Variants in ZKSCAN1 observed in about 807,000 individuals in gnomAD.
ZKSCAN1 encodes zinc finger with KRAB and SCAN domains 1.
Under a neutral mutation model 51.6 loss-of-function variants are expected in ZKSCAN1, and 14 were observed. The ratio of observed to expected loss-of-function variants is 0.27; its 90% CI spans 0.18 to 0.42. The LOEUF (loss-of-function observed/expected upper bound fraction) is 0.42. ZKSCAN1 is among the 10% of genes least tolerant of loss of function. ZKSCAN1 has a pLI of 1.00. For missense variants in ZKSCAN1, 531 were observed against 710.0 expected (o/e 0.75, Z 2.86); for synonymous variants, 263 against 261.5 (o/e 1.01, Z -0.06).
At position 100,038,365 on chromosome 7, in the gene ZKSCAN1, G is replaced by A. The variant is rs1254469290; in HGVS notation, c.*4168G>A. On this transcript the variant is annotated 3_prime_UTR_variant, in exon 6 of 6. Transcript: ENST00000324306. The stretch of plus-strand genomic sequence containing the variant: ...AGTCGGTTCACAGAACGGAGCAGCG[G>A]GGAGAGGAAGGGAAAAGCTTCATAG... 1 of 985,474 alleles carries A rather than the reference G, an allele frequency of 1.0e-6. No individual in the cohort carries two copies. The highest frequency in any genetic ancestry group is 1.2e-6 in the Non-Finnish European group (1 of 829,938). 61.0% of individuals were successfully genotyped at this position (985,474 alleles called of 1,614,324 possible). A position where few individuals can be genotyped will look rare whatever the true frequency, so the allele number is the denominator to read the frequency against.
intron 1 of ZKSCAN1, among the ~76,000 whole-genome samples, chr7:100,021,367 T>C (rs975793979): frequency 1.3e-5 from 2 of 151,958 alleles, no homozygotes; most frequent in African/African-American, 4.8e-5. Flanking sequence ...GGTGGCCCCC[T>C]GCTCCCTGCC....
In ZKSCAN1 at chr7:100,039,698, G is replaced by T; in HGVS notation, c.*5501G>T. 2.0e-6 allele frequency: 2 copies of T among 985,410 alleles called. No individual in the cohort carries two copies. The highest frequency in any genetic ancestry group is 2.4e-6 in the Non-Finnish European group (2 of 829,948). The allele number at this position is 985,410 out of a possible 1,614,324, so 61.0% of individuals were successfully genotyped here. ...GTGTATGAATTGGAGTAACAGAACT[G>T]AAATACACTTAAACAGTGACAGCAG... is the stretch of plus-strand genomic sequence containing the variant. On this transcript the variant is annotated 3_prime_UTR_variant, in exon 6 of 6. Coordinates refer to ENST00000324306, the MANE Select transcript of ZKSCAN1 (RefSeq NM_003439.4).
At chr7:100,024,386 AG>A in intron 3 of ZKSCAN1, 79 bp downstream of exon 3, 1 of 1,539,336 alleles carries the variant, frequency 6.5e-7, no homozygotes, top group African/African-American at 1.4e-5. Flanking sequence ...CCTGTGATGA[AG>A]AAGCATGTTA....
In ZKSCAN1 at chr7:100,040,454, A is replaced by G. The variant is rs80254734; in HGVS notation, c.*6257A>G. On this transcript the variant is annotated 3_prime_UTR_variant, in exon 6 of 6. Transcript: ENST00000324306. ...TTTCTCCCTTCAGCAAGCACTCATT[A>G]AGGAGTGAGGCTGAGTATTTTAAGA... 6.3e-4 allele frequency: 617 copies of G among 985,470 alleles called. 2 individuals are homozygous for G. The Middle Eastern group carries it at 6.8e-3, about 11-fold the overall frequency. The allele number at this position is 985,470 out of a possible 1,614,324, so 61.0% of individuals were successfully genotyped here. A position where few individuals can be genotyped will look rare whatever the true frequency, so the allele number is the denominator to read the frequency against.
chr7:100,033,471 A>G lies in ZKSCAN1; in HGVS notation c.966A>G (p.Lys322=), dbSNP rs140179908. 60 of 1,614,048 alleles carry G rather than the reference A, an allele frequency of 3.7e-5. 1 individual carries two copies. The African/African-American group carries it at 7.1e-4, about 19-fold the overall frequency. The stretch of plus-strand genomic sequence containing the variant: ...GACAGCAGAAAAACCCTGAGGAGAA[A>G]ACCAGGAAAGAGAAAAGAGATTCAG... ...GERQQKNPEE[K]TRKEKRDSGP... is the part of the protein sequence containing the mutation. Residue 322 remains lysine, a synonymous_variant, in exon 6 of 6, where the codon AAA becomes AAG. Coordinates refer to ENST00000324306, the MANE Select transcript of ZKSCAN1 (RefSeq NM_003439.4). This position sits in a 1 kb window ranked among gnomAD's most constrained non-coding sequence, Gnocchi z 4.1.
At chr7:100,023,041 T>G (rs1790655008) in intron 1 of ZKSCAN1, among the ~76,000 whole-genome samples, 1 of 152,052 alleles carries the variant, frequency 6.6e-6, no homozygotes, top group Non-Finnish European at 1.5e-5. Context: ...GGAGTTTAAC[T>G]TCTTGTCTCC....
Position 100,023,632 on chromosome 7 carries a change from C to T in ZKSCAN1, c.126C>T (p.Ser42=). 1.2e-6 allele frequency: 2 copies of T among 1,614,078 alleles called. 1 individual carries two copies. Among genetic ancestry groups the T allele is most frequent in the Non-Finnish European group, 1.7e-6 (2 of 1,180,034 alleles). Residue 42 remains serine, a synonymous_variant, in exon 2 of 6, where the codon TCC becomes TCT. Coordinates refer to ENST00000324306, the MANE Select transcript of ZKSCAN1 (RefSeq NM_003439.4). ...DEEDHMWGQD[S]TLQDTPPPDP... ...AAGACCACATGTGGGGGCAGGATTC[C>T]ACCCTACAGGACACGCCTCCTCCAG...
At chr7:100,044,053 A>T (rs1423201825), downstream of ZKSCAN1, among the ~76,000 whole-genome samples, 2 of 152,076 alleles carry the variant, frequency 1.3e-5, no homozygotes, top group Non-Finnish European at 2.9e-5. Flanking sequence ...CTGGGATGAC[A>T]GGCGTGAGCC....
Position 100,040,398 on chromosome 7 carries a change from C to CAGT in ZKSCAN1, c.*6203_*6205dup. Reference sequence around the variant, plus strand: ...GACTTAATTCAAATTGCACAGTAATCAGTAAAGTGAATACGTTTTTAAAAT... The same window carrying CAGT: ...GACTTAATTCAAATTGCACAGTAATCAGTAGTAAAGTGAATACGTTTTTAAAAT... On this transcript the variant is annotated 3_prime_UTR_variant, in exon 6 of 6. Transcript: ENST00000324306. 1 of 985,400 alleles carries CAGT rather than the reference C, an allele frequency of 1.0e-6. No homozygotes were observed. The allele number at this position is 985,400 out of a possible 1,614,324, so 61.0% of individuals were successfully genotyped here. A position where few individuals can be genotyped will look rare whatever the true frequency, so the allele number is the denominator to read the frequency against.
intron 5 of ZKSCAN1, among the ~76,000 whole-genome samples, chr7:100,031,740 C>G (rs1035963378): frequency 1.3e-5 from 2 of 152,176 alleles, no homozygotes; most frequent in Non-Finnish European, 2.9e-5. Context: ...TGGATAGAAA[C>G]TATTTCCTGT....
intron 3 of ZKSCAN1, among the ~76,000 whole-genome samples, chr7:100,028,367 A>T (rs1790936453): frequency 6.6e-6 from 1 of 151,858 alleles, no homozygotes; most frequent in Non-Finnish European, 1.5e-5. Flanking sequence ...AAAAAAAAGT[A>T]CTTGGGTACA....
At chr7:100,044,705 A>G (rs1433716727), downstream of ZKSCAN1, 5 of 641,340 alleles carry the variant, frequency 7.8e-6, no homozygotes, top group African/African-American at 6.1e-5. Context: ...AAAAAAAAAA[A>G]GTAGCACTGA....
Position 100,037,494 on chromosome 7 carries a change from C to T in ZKSCAN1, c.*3297C>T. The stretch of plus-strand genomic sequence containing the variant: ...GACGTGTGATACGTGGGACAGTTCA[C>T]ATAGACATCAGAGAATTTATTCCAG... On this transcript the variant is annotated 3_prime_UTR_variant, in exon 6 of 6. Coordinates refer to ENST00000324306, the MANE Select transcript of ZKSCAN1 (RefSeq NM_003439.4). 1.0e-6 allele frequency: 1 copy of T among 985,472 alleles called. No homozygotes were observed. Among genetic ancestry groups the T allele is most frequent in the African/African-American group, 1.7e-5 (1 of 57,368 alleles). 61.0% of individuals were successfully genotyped at this position (985,472 alleles called of 1,614,324 possible).
At position 100,041,013 on chromosome 7, in the gene ZKSCAN1, T is replaced by C; in HGVS notation, c.*6816T>C. ...GATAGCCAAGCAAAATCAGTAATTA[T>C]TTTAAAATGAACATATGTATTTTTA... On this transcript the variant is annotated 3_prime_UTR_variant, in exon 6 of 6. Transcript: ENST00000324306. 1 of 985,126 alleles carries C rather than the reference T, an allele frequency of 1.0e-6. No homozygotes were observed. The highest frequency in any genetic ancestry group is 1.2e-6 in the Non-Finnish European group (1 of 829,634). The allele number at this position is 985,126 out of a possible 1,614,324, so 61.0% of individuals were successfully genotyped here. A position where few individuals can be genotyped will look rare whatever the true frequency, so the allele number is the denominator to read the frequency against.
chr7:100,018,876 G>A (rs919562066), intron 1 of ZKSCAN1, among the ~76,000 whole-genome samples: 5 of 152,328 alleles, frequency 3.3e-5, no homozygotes, highest in Admixed American at 2.0e-4. Context: ...ATCTGTCCCA[G>A]TTGTGGGCAG....
chr7:100,032,794 G>T (rs1791165276), intron 5 of ZKSCAN1, among the ~76,000 whole-genome samples: 1 of 152,042 alleles, frequency 6.6e-6, no homozygotes, highest in Non-Finnish European at 1.5e-5. Flanking sequence ...GGATCACGAG[G>T]TCAGGAGATC....
At chr7:100,017,398 T>C (rs1790414226) in intron 1 of ZKSCAN1, among the ~76,000 whole-genome samples, 1 of 152,178 alleles carries the variant, frequency 6.6e-6, no homozygotes, top group African/African-American at 2.4e-5. Context: ...GATTTTTGTA[T>C]TTTTAGTAGA....
At chr7:100,023,365 C>T (rs1790672567) in intron 1 of ZKSCAN1, 54 bp from the exon 2 acceptor site, 6 of 943,828 alleles carry the variant, frequency 6.4e-6, no homozygotes, top group Non-Finnish European at 9.4e-6. Context: ...GTGTTAGCAG[C>T]ACAGATCACT....
Position 100,030,315 on chromosome 7 carries a change from G to T in ZKSCAN1, c.739G>T (p.Ala247Ser), listed in dbSNP as rs1791053423. Residue 247 changes from alanine (A) to serine (S), a missense_variant, in exon 5 of 6, where the codon GCT becomes TCT. Physicochemically the swap from Ala to Ser is moderately conservative, Grantham distance 99. Transcript: ENST00000324306. Reference protein sequence around the residue: ...ILEEWGCQNLARRNLSRDNRQ... With the variant: ...ILEEWGCQNLSRRNLSRDNRQ... ...GGAGGAATGGGGATGTCAGAATCTG[G>T]CTCGGAGGAATCTCAGTAGGGACAA... is the stretch of plus-strand genomic sequence containing the variant. The T allele has an allele frequency of 6.2e-7, 1 of 1,614,124 alleles. No individual in the cohort carries two copies. Among genetic ancestry groups the T allele is most frequent in the Non-Finnish European group, 8.5e-7 (1 of 1,180,018 alleles).
Sources: gnomAD v4.1 joint callset for allele counts (sites outside exome capture counted in the v4.1 genomes callset) on GRCh38, gnomAD v4.1.1 for gene constraint, Gnocchi (gnomAD v3.1) non-coding constraint, MANE v1.5 for transcripts, NCBI Gene and HGNC (gene_info 2026-07-23, HGNC 2026-07-21) for gene names.